The following NTRK3 variants were observed in gnomAD, a reference collection of about 807,000 sequenced individuals.
NTRK3 encodes NT-3 growth factor receptor.
In NTRK3, 24 loss-of-function variants were observed where a neutral mutation model predicts 91.7. That is an observed-to-expected ratio of 0.26 (90% CI 0.19 to 0.37). The LOEUF (loss-of-function observed/expected upper bound fraction) is 0.37. Among genes scored for constraint, NTRK3 ranks in the 10% least tolerant of loss-of-function variants. The probability of loss-of-function intolerance (pLI) is 1.00; values close to 1 mark genes in which losing one functional copy is unlikely to be tolerated. For synonymous variants in NTRK3, 483 were observed against 404.0 expected, an observed-to-expected ratio of 1.20 and a Z score of -2.34; for missense variants, 880 against 1,068.9, an observed-to-expected ratio of 0.82 and a Z score of 2.46.
At chr15:88,181,322 A>G (rs2046436100) in intron 5 of NTRK3, among the ~76,000 whole-genome samples, 1 of 151,792 alleles carries the variant, frequency 6.6e-6, no homozygotes, top group African/African-American at 2.4e-5. Flanking sequence ...CGCTGCCACC[A>G]CTCAGCAGAC....
intron 3 of NTRK3, among the ~76,000 whole-genome samples, chr15:88,218,944 G>A (rs550969128): frequency 1.3e-5 from 2 of 152,310 alleles, no homozygotes; most frequent in East Asian, 1.9e-4. Context: ...GCCAAGGACC[G>A]TCTGTACTGG....
intron 3 of NTRK3, among the ~76,000 whole-genome samples, chr15:88,207,382 C>T (rs2141369484): frequency 6.6e-6 from 1 of 152,336 alleles, no homozygotes; most frequent in Non-Finnish European, 1.5e-5. Context: ...TGACTTCCTG[C>T]CCAGAGCCCA....
intron 5 of NTRK3, among the ~76,000 whole-genome samples, chr15:88,162,487 C>T (rs868505954): frequency 1.3e-5 from 2 of 152,130 alleles, no homozygotes; most frequent in South Asian, 4.1e-4. Flanking sequence ...AGAAGGGGGC[C>T]CACTCTCAAG....
chr15:88,051,979 G>A (rs764351485), intron 13 of NTRK3, among the ~76,000 whole-genome samples: 5 of 152,322 alleles, frequency 3.3e-5, no homozygotes, highest in Non-Finnish European at 5.9e-5. Context: ...ATGTAGAGAA[G>A]AGCACCATAA....
chr15:88,063,235 A>G (rs1017597749), intron 13 of NTRK3, among the ~76,000 whole-genome samples: 2 of 152,240 alleles, frequency 1.3e-5, no homozygotes, highest in African/African-American at 4.8e-5. Flanking sequence ...GATGTCAACA[A>G]TGACGATGAC....
At chr15:87,959,612 A>G (rs1037979279) in intron 14 of NTRK3, among the ~76,000 whole-genome samples, 1 of 152,314 alleles carries the variant, frequency 6.6e-6, no homozygotes, top group African/African-American at 2.4e-5. Flanking sequence ...AAACGTTTAA[A>G]GTTATTGAAA....
At chr15:88,215,683 T>C (rs960754248) in intron 3 of NTRK3, among the ~76,000 whole-genome samples, 3 of 152,220 alleles carry the variant, frequency 2.0e-5, no homozygotes, top group South Asian at 2.1e-4. Context: ...GCAAATTAAA[T>C]GCAAAATTGG....
At chr15:87,914,629 C>T (rs920235682) in intron 17 of NTRK3, among the ~76,000 whole-genome samples, 3 of 152,170 alleles carry the variant, frequency 2.0e-5, no homozygotes, top group Non-Finnish European at 4.4e-5. Flanking sequence ...TTCAAGGGAA[C>T]TTATGCTTTA....
intron 3 of NTRK3, among the ~76,000 whole-genome samples, chr15:88,217,191 G>T (rs1291871955): frequency 6.6e-6 from 1 of 152,240 alleles, no homozygotes; most frequent in Non-Finnish European, 1.5e-5. Context: ...AAGGAAAACA[G>T]TGTGGTAGTT....
Position 88,092,517 on chromosome 15 carries a change from G to C in NTRK3, c.1396+33754C>G, listed in dbSNP as rs1387069124. Among the ~76,000 whole-genome samples, 3 of 152,146 alleles carry C rather than the reference G, an allele frequency of 2.0e-5. No individual in the cohort carries two copies. In the East Asian group the frequency reaches 5.8e-4, roughly 29 times the overall value. On this transcript the variant is annotated intron_variant, in intron 13 of 18. Coordinates refer to ENST00000394480, the Ensembl canonical transcript of NTRK3. ...GGTGTTGACTCTCTCAGAAAAATGT[G>C]GCCACAAGCCAGACTGGCCAGAGGT...
intron 13 of NTRK3, 80 bp from the exon 14 acceptor site, chr15:88,033,125 A>G: frequency 1.6e-6 from 2 of 1,283,726 alleles, no homozygotes; most frequent in Non-Finnish European, 2.2e-6. Flanking sequence ...ACAACCCCCA[A>G]CTACTGTTCC....
At chr15:87,910,435 C>G (rs560256948) in intron 17 of NTRK3, among the ~76,000 whole-genome samples, 1 of 152,110 alleles carries the variant, frequency 6.6e-6, no homozygotes, top group Non-Finnish European at 1.5e-5. Flanking sequence ...CGGATGCTAA[C>G]GGTTGCTGAG....
chr15:88,144,160 GAA>G, intron 6 of NTRK3: 1 of 149,156 alleles, frequency 6.7e-6, no homozygotes, highest in Non-Finnish European at 1.5e-5. Context: ...TCTCTGCAAG[GAA>G]AAAAAAAATA....
At chr15:88,047,893 TG>T (rs1411779500) in intron 13 of NTRK3, among the ~76,000 whole-genome samples, 1 of 152,176 alleles carries the variant, frequency 6.6e-6, no homozygotes, top group East Asian at 1.9e-4. Flanking sequence ...AAGATAGTCA[TG>T]GGTAGAATCA....
At chr15:87,888,387 A>G (rs2065670437) in intron 17 of NTRK3, among the ~76,000 whole-genome samples, 1 of 152,178 alleles carries the variant, frequency 6.6e-6, no homozygotes, top group Non-Finnish European at 1.5e-5. Context: ...GATTTTGTGT[A>G]GAGAGACAAG....
exon 19 of NTRK3, chr15:87,873,235 A>G (rs893904476): frequency 3.5e-5 from 8 of 231,578 alleles, no homozygotes; most frequent in African/African-American, 1.8e-4. Flanking sequence ...TCAAGTGGGA[A>G]GCCTCTGTCT....
chr15:88,205,541 T>C (rs1023384534), intron 3 of NTRK3, among the ~76,000 whole-genome samples: 3 of 152,228 alleles, frequency 2.0e-5, no homozygotes, highest in African/African-American at 7.2e-5. Flanking sequence ...CTCTGGTATA[T>C]CATCCTAGGG....
At chr15:88,219,063 T>G (rs555191207) in intron 3 of NTRK3, among the ~76,000 whole-genome samples, 1 of 152,318 alleles carries the variant, frequency 6.6e-6, no homozygotes, top group East Asian at 1.9e-4. Context: ...GGCCACAGAC[T>G]GGTGGGAAAT....
At position 87,876,217 on chromosome 15, in the gene NTRK3, G is replaced by A. The variant is rs376643236; in HGVS notation, c.*718C>T. On this transcript the variant is annotated 3_prime_UTR_variant, in exon 19 of 19. Coordinates refer to ENST00000394480, the Ensembl canonical transcript of NTRK3. ...CTGTCAGCTCTTGTCATGGTTTTGT[G>A]TTGTGGGGTTGTCTGTTCTGTGTTT... 1.7e-5 allele frequency: 4 copies of A among 233,198 alleles called. No individual in the cohort carries two copies. The East Asian group carries it at 1.8e-4, about 11-fold the overall frequency. 14.4% of individuals were successfully genotyped at this position (233,198 alleles called of 1,614,324 possible).
Sources: allele counts gnomAD v4.1 joint callset (sites outside exome capture counted in the v4.1 genomes callset), GRCh38; gene constraint gnomAD v4.1.1; transcripts MANE v1.5; gene names NCBI Gene and HGNC (gene_info 2026-07-23, HGNC 2026-07-21).